The following ZNF148 variants were observed in gnomAD, a reference collection of about 807,000 sequenced individuals.
ZNF148 encodes Beta-Enolase Repressor Factor-1.
ZNF148 carries 7 observed loss-of-function variants against 67.7 expected under a neutral mutation model. The observed-to-expected ratio is 0.10, with a 90% CI of 0.06 to 0.19. The LOEUF (loss-of-function observed/expected upper bound fraction) is 0.19. Among genes scored for constraint, ZNF148 ranks in the 10% least tolerant of loss-of-function variants. The pLI is 1.00. For synonymous variants in ZNF148, 333 were observed against 330.7 expected, an observed-to-expected ratio of 1.01 and a Z score of -0.08; for missense variants, 583 against 947.1, an observed-to-expected ratio of 0.62 and a Z score of 5.05.
Position 125,361,639 on chromosome 3 carries a change from C to A in ZNF148, c.-234+13463G>T, listed in dbSNP as rs1419486712. On this transcript the variant is annotated intron_variant, in intron 1 of 8. Coordinates refer to ENST00000360647, the MANE Select transcript of ZNF148 (RefSeq NM_021964.3). ...TTGAGGTCAGGAGTTCGACACCAGC[C>A]CTGGCCAACATGGTGAAACCCTGTC... Among the ~76,000 whole-genome samples, 3 of 151,998 alleles carry A rather than the reference C, an allele frequency of 2.0e-5. No individual in the cohort carries two copies. The East Asian group carries it at 5.8e-4, about 29-fold the overall frequency.
intron 1 of ZNF148, among the ~76,000 whole-genome samples, chr3:125,353,251 A>C (rs1942219340): frequency 6.6e-6 from 1 of 152,170 alleles, no homozygotes; most frequent in African/African-American, 2.4e-5. Flanking sequence ...AAAACTATAG[A>C]TAGTAAACAG....
At chr3:125,341,812 T>C (rs1941733912) in intron 1 of ZNF148, among the ~76,000 whole-genome samples, 2 of 151,792 alleles carry the variant, frequency 1.3e-5, no homozygotes, top group South Asian at 4.2e-4. Flanking sequence ...CTGGGCAACA[T>C]GGCGAAACAC....
rs141777619 is a variant in ZNF148 at position 125,284,839 on chromosome 3, G to C, written c.459+3264C>G. Among the ~76,000 whole-genome samples the C allele has an allele frequency of 3.4e-5, 5 of 148,914 alleles. No homozygotes were observed. In the East Asian group the frequency reaches 1.0e-3, roughly 30 times the overall value. Reference sequence around the variant, plus strand: ...CCCTCTTCATCAGGCATGCTGCCAAGTGTATTTAGGCAAATTTCAAGTGTC... The same window carrying C: ...CCCTCTTCATCAGGCATGCTGCCAACTGTATTTAGGCAAATTTCAAGTGTC... On this transcript the variant is annotated intron_variant, in intron 5 of 8. Transcript: ENST00000360647.
Position 125,274,318 on chromosome 3 carries a change from T to C in ZNF148, c.667+3408A>G, listed in dbSNP as rs1937926395. ...TCCAAAACATCACCTAAATAAAGGA[T>C]CTGTAATATTCACAAAAAATATAAT... On this transcript the variant is annotated intron_variant, in intron 7 of 8. Coordinates refer to ENST00000360647, the MANE Select transcript of ZNF148 (RefSeq NM_021964.3). 2.6e-5 allele frequency among the ~76,000 whole-genome samples: 4 copies of C among 152,150 alleles called. No homozygotes were observed. In the South Asian group the frequency reaches 8.3e-4, roughly 32 times the overall value.
intron 4 of ZNF148, among the ~76,000 whole-genome samples, chr3:125,299,083 CT>C (rs1019521863): frequency 8.5e-5 from 13 of 152,280 alleles, no homozygotes; most frequent in African/African-American, 2.9e-4. Flanking sequence ...GGAAATTTTA[CT>C]TTTCACTTTA....
intron 4 of ZNF148, among the ~76,000 whole-genome samples, chr3:125,303,445 C>A (rs1008401760): frequency 2.0e-5 from 3 of 152,350 alleles, no homozygotes; most frequent in Non-Finnish European, 4.4e-5. Flanking sequence ...TATTTACACA[C>A]TGTCCCCACT....
At chr3:125,324,663 A>G (rs1341618112) in intron 2 of ZNF148, among the ~76,000 whole-genome samples, 1 of 152,254 alleles carries the variant, frequency 6.6e-6, no homozygotes, top group African/African-American at 2.4e-5. Flanking sequence ...ACCAGATGAT[A>G]CATGAAAGAT....
intron 1 of ZNF148, among the ~76,000 whole-genome samples, chr3:125,337,444 GT>G (rs1178477565): frequency 6.6e-6 from 1 of 152,160 alleles, no homozygotes; most frequent in Admixed American, 6.5e-5. Context: ...CCCAGATAAT[GT>G]AAATGAGTTT....
intron 7 of ZNF148, among the ~76,000 whole-genome samples, chr3:125,235,789 T>A (rs1348308431): frequency 2.0e-5 from 3 of 151,868 alleles, no homozygotes; most frequent in Non-Finnish European, 4.4e-5. Flanking sequence ...GATGAGTTCA[T>A]GTCCTTTGTA....
intron 7 of ZNF148, among the ~76,000 whole-genome samples, chr3:125,260,059 C>G (rs950132968): frequency 6.6e-6 from 1 of 152,132 alleles, no homozygotes; most frequent in Non-Finnish European, 1.5e-5. Context: ...GCAGTTGGAA[C>G]ACACACAACA....
At chr3:125,334,468 T>G (rs573711226) in intron 1 of ZNF148, among the ~76,000 whole-genome samples, 1 of 152,326 alleles carries the variant, frequency 6.6e-6, no homozygotes, top group South Asian at 2.1e-4. Context: ...ACTCTCCCTT[T>G]GCTACCTTTT....
At chr3:125,352,677 A>G (rs1178329609) in intron 1 of ZNF148, among the ~76,000 whole-genome samples, 1 of 152,140 alleles carries the variant, frequency 6.6e-6, no homozygotes, top group Admixed American at 6.5e-5. Context: ...AAAAAAAAAA[A>G]AAAGATCTTC....
At chr3:125,329,769 A>T (rs1057415100) in intron 2 of ZNF148, among the ~76,000 whole-genome samples, 7 of 152,214 alleles carry the variant, frequency 4.6e-5, no homozygotes, top group Non-Finnish European at 8.8e-5. Context: ...CTAATTAGAC[A>T]AATTATGATA....
Position 125,343,967 on chromosome 3 carries a change from C to T in ZNF148, c.-233-12729G>A, listed in dbSNP as rs1338205046. 6 of 165,314 alleles carry T rather than the reference C, an allele frequency of 3.6e-5. No homozygotes were observed. The East Asian group carries it at 1.1e-3, about 30-fold the overall frequency. 10.2% of individuals were successfully genotyped at this position (165,314 alleles called of 1,614,324 possible). On this transcript the variant is annotated intron_variant, in intron 1 of 8. Coordinates refer to ENST00000360647, the MANE Select transcript of ZNF148 (RefSeq NM_021964.3). Reference sequence around the variant, plus strand: ...GTCTATAAATACTTTAGATTTGGTACAATTATACTGAAAGTTGAGTTCATT... The same window carrying T: ...GTCTATAAATACTTTAGATTTGGTATAATTATACTGAAAGTTGAGTTCATT...
intron 1 of ZNF148, among the ~76,000 whole-genome samples, chr3:125,336,644 C>G (rs1387904368): frequency 3.3e-5 from 5 of 149,738 alleles, no homozygotes; most frequent in Admixed American, 1.3e-4. Context: ...GATAACCAAC[C>G]AATAAACTCA....
chr3:125,310,439 A>C (rs898902871), intron 4 of ZNF148, among the ~76,000 whole-genome samples: 4 of 152,222 alleles, frequency 2.6e-5, no homozygotes, highest in Admixed American at 6.5e-5. Context: ...ATAAAAATAC[A>C]ACTATCAAAA....
At chr3:125,258,968 C>T (rs1052111258) in intron 7 of ZNF148, among the ~76,000 whole-genome samples, 1 of 152,050 alleles carries the variant, frequency 6.6e-6, no homozygotes, top group Non-Finnish European at 1.5e-5. Context: ...TACCCTTTTA[C>T]TTTTTATTTT....
In ZNF148 at chr3:125,232,692, T is replaced by G. The variant is rs759834784; in HGVS notation, c.2034A>C (p.Leu678=). The G allele has an allele frequency of 1.9e-5, 30 of 1,613,872 alleles. No individual in the cohort carries two copies. The highest frequency in any genetic ancestry group is 2.5e-5 in the Non-Finnish European group (30 of 1,179,788). Residue 678 remains leucine, a synonymous_variant, in exon 9 of 9, where the codon CTA becomes CTC. Coordinates refer to ENST00000360647, the MANE Select transcript of ZNF148 (RefSeq NM_021964.3). This position sits in a 1 kb window ranked among gnomAD's most constrained non-coding sequence, Gnocchi z 4.2. ...ATGAGTGCTGTGAATCACCAACTATTAGTCCAAAGTGGGACTTATCTGGAG... is the reference window on the plus strand; with the variant it reads ...ATGAGTGCTGTGAATCACCAACTATGAGTCCAAAGTGGGACTTATCTGGAG... ...RTTPDKSHFG[L]IVGDSQHSFP...
intron 5 of ZNF148, among the ~76,000 whole-genome samples, chr3:125,287,603 C>A (rs903912823): frequency 3.3e-5 from 5 of 152,190 alleles, no homozygotes; most frequent in Admixed American, 2.0e-4. Flanking sequence ...CATGCCACTG[C>A]ACTCAGCCTG....
Sources: gnomAD v4.1 joint callset for allele counts (sites outside exome capture counted in the v4.1 genomes callset) on GRCh38, gnomAD v4.1.1 for gene constraint, Gnocchi (gnomAD v3.1) non-coding constraint, MANE v1.5 for transcripts, NCBI Gene and HGNC (gene_info 2026-07-23, HGNC 2026-07-21) for gene names.